Variants in L3MBTL4 observed in about 807,000 individuals in gnomAD.
L3MBTL4 encodes the protein lethal(3)malignant brain tumor-like protein 4.
In L3MBTL4, 70 loss-of-function variants were observed where a neutral mutation model predicts 84.5. The ratio of observed to expected loss-of-function variants is 0.83; its 90% CI spans 0.68 to 1.01. The LOEUF (loss-of-function observed/expected upper bound fraction) is 1.01, where lower values mean the gene tolerates loss of function less well. Among genes scored for constraint, L3MBTL4 ranks in the 50% least tolerant of loss-of-function variants. The pLI is 0.00. For missense variants in L3MBTL4, 715 were observed against 754.8 expected (o/e 0.95, Z 0.62); for synonymous variants, 274 against 259.8 (o/e 1.05, Z -0.52).
intron 4 of L3MBTL4, among the ~76,000 whole-genome samples, chr18:6,280,576 G>A (rs1449577012): frequency 6.6e-6 from 1 of 152,190 alleles, no homozygotes; most frequent in Non-Finnish European, 1.5e-5. Flanking sequence ...TGTGTGATAG[G>A]TAGGATAACG....
At chr18:6,005,127 T>C (rs2054413025) in intron 16 of L3MBTL4, among the ~76,000 whole-genome samples, 1 of 149,078 alleles carries the variant, frequency 6.7e-6, no homozygotes. Context: ...GTGGATAACT[T>C]GAAGTCAGGG....
chr18:6,087,756 T>A (rs958253077), intron 15 of L3MBTL4, among the ~76,000 whole-genome samples: 1 of 152,178 alleles, frequency 6.6e-6, no homozygotes, highest in Non-Finnish European at 1.5e-5. Context: ...GACTTTAAAA[T>A]CAATGGTTTT....
chr18:6,364,351 T>A (rs1053108687), intron 1 of L3MBTL4, among the ~76,000 whole-genome samples: 3 of 152,050 alleles, frequency 2.0e-5, no homozygotes, highest in Non-Finnish European at 4.4e-5. Flanking sequence ...TTATAATTTA[T>A]AATGCCATAA....
chr18:6,230,731 C>T (rs1290181075), intron 10 of L3MBTL4, among the ~76,000 whole-genome samples: 2 of 152,158 alleles, frequency 1.3e-5, no homozygotes, highest in Non-Finnish European at 2.9e-5. Flanking sequence ...GTTCACTTTT[C>T]TCTGCAACCT....
intron 14 of L3MBTL4, among the ~76,000 whole-genome samples, chr18:6,110,335 G>A (rs762218150): frequency 2.6e-5 from 4 of 152,188 alleles, no homozygotes; most frequent in African/African-American, 7.2e-5. Context: ...TCTCTCTCTC[G>A]TGTGTGGTGT....
intron 16 of L3MBTL4, among the ~76,000 whole-genome samples, chr18:6,049,395 C>G (rs1050233030): frequency 6.6e-6 from 1 of 152,134 alleles, no homozygotes; most frequent in East Asian, 1.9e-4. Context: ...AACAAATCAA[C>G]AAGCAAAAAT....
intron 16 of L3MBTL4, 95 bp downstream of exon 16, chr18:6,080,786 C>A (rs894791529): frequency 3.4e-6 from 3 of 891,312 alleles, no homozygotes; most frequent in African/African-American, 3.4e-5. Flanking sequence ...TTCTACCATT[C>A]CCTGTTGGAA....
intron 14 of L3MBTL4, among the ~76,000 whole-genome samples, chr18:6,095,790 G>C (rs2058622606): frequency 6.6e-6 from 1 of 152,208 alleles, no homozygotes. Flanking sequence ...GGGAAGAGCA[G>C]GCCAGCATAC....
At chr18:6,222,469 CCCAG>C (rs199595776) in intron 10 of L3MBTL4, among the ~76,000 whole-genome samples, 2,868 of 152,272 alleles carry the variant, frequency 0.019, 82 homozygotes, top group African/African-American at 0.064. Flanking sequence ...TGGCTGAGCG[CCCAG>C]CAGAACTGTC....
intron 12 of L3MBTL4, among the ~76,000 whole-genome samples, chr18:6,177,281 T>C (rs768369393): frequency 6.6e-6 from 1 of 152,164 alleles, no homozygotes; most frequent in African/African-American, 2.4e-5. Flanking sequence ...CGAATGCTAG[T>C]TCAGCAATAA....
intron 14 of L3MBTL4, among the ~76,000 whole-genome samples, chr18:6,095,399 G>A (rs1308669555): frequency 6.7e-6 from 1 of 148,676 alleles, no homozygotes; most frequent in African/African-American, 2.5e-5. Flanking sequence ...CCAGGCTGGA[G>A]TGCAGTGGTG....
At chr18:5,980,302 C>T (rs370251920) in intron 16 of L3MBTL4, among the ~76,000 whole-genome samples, 16 of 152,180 alleles carry the variant, frequency 1.1e-4, no homozygotes, top group African/African-American at 3.1e-4. Context: ...GTCATCCCAC[C>T]CACTCTGGGA....
intron 16 of L3MBTL4, among the ~76,000 whole-genome samples, chr18:5,996,148 G>A (rs764046427): frequency 6.6e-5 from 10 of 152,036 alleles, no homozygotes; most frequent in East Asian, 1.9e-4. Context: ...AGTAATTCTC[G>A]ACAGCTAAAA....
intron 1 of L3MBTL4, among the ~76,000 whole-genome samples, chr18:6,346,133 T>C (rs1416955283): frequency 1.4e-5 from 2 of 145,670 alleles, no homozygotes; most frequent in Admixed American, 6.9e-5. Flanking sequence ...TATATATATA[T>C]GGATGTATAT....
intron 13 of L3MBTL4, among the ~76,000 whole-genome samples, chr18:6,167,777 A>G (rs2043750168): frequency 6.6e-6 from 1 of 152,232 alleles, no homozygotes; most frequent in Non-Finnish European, 1.5e-5. Context: ...CAAGACAGGG[A>G]TGCCCTCTCT....
chr18:6,175,435 G>C (rs1427550241), intron 12 of L3MBTL4, among the ~76,000 whole-genome samples: 1 of 152,116 alleles, frequency 6.6e-6, no homozygotes, highest in Non-Finnish European at 1.5e-5. Flanking sequence ...AATATTACAG[G>C]GAGTATTTCA....
intron 1 of L3MBTL4, among the ~76,000 whole-genome samples, chr18:6,388,383 G>A (rs962353524): frequency 2.0e-5 from 3 of 152,164 alleles, no homozygotes; most frequent in Non-Finnish European, 4.4e-5. Flanking sequence ...GACAAATTTT[G>A]AGAGTAAAAA....
At chr18:6,050,513 C>A (rs1231497355) in intron 16 of L3MBTL4, among the ~76,000 whole-genome samples, 1 of 151,880 alleles carries the variant, frequency 6.6e-6, no homozygotes, top group Non-Finnish European at 1.5e-5. Flanking sequence ...AATGGTTATA[C>A]CCTCTATTAT....
At chr18:6,171,088 G>C (rs1320411873) in intron 13 of L3MBTL4, among the ~76,000 whole-genome samples, 1 of 152,142 alleles carries the variant, frequency 6.6e-6, no homozygotes, top group Non-Finnish European at 1.5e-5. Flanking sequence ...GCATCATTAG[G>C]CTGGCTCCAT....
Sources: allele counts gnomAD v4.1 joint callset (sites outside exome capture counted in the v4.1 genomes callset), GRCh38; gene constraint gnomAD v4.1.1; transcripts MANE v1.5; gene names NCBI Gene and HGNC (gene_info 2026-07-23, HGNC 2026-07-21).